The following CCDC40 variants were observed in gnomAD, a reference collection of about 807,000 sequenced individuals.
The protein encoded by CCDC40 is coiled-coil domain-containing protein 40.
A neutral mutation model predicts 124.5 loss-of-function variants in CCDC40; 104 were observed. The ratio of observed to expected loss-of-function variants is 0.84; its 90% CI spans 0.71 to 0.98. The LOEUF (loss-of-function observed/expected upper bound fraction) is 0.98. CCDC40 is among the 50% of genes least tolerant of loss of function. CCDC40 has a pLI of 0.00. For synonymous variants in CCDC40, 580 were observed against 602.9 expected (o/e 0.96, Z 0.56); for missense variants, 1,463 against 1,503.9 (o/e 0.97, Z 0.45).
intron 1 of CCDC40, 134 bp downstream of exon 1, chr17:80,036,825 T>G: frequency 1.2e-6 from 1 of 823,088 alleles, no homozygotes; most frequent in Non-Finnish European, 1.7e-6. Context: ...CCTGTGTCCC[T>G]TCTCTCGCCA....
At chr17:80,060,348 G>C (rs1345078088) in intron 9 of CCDC40, among the ~76,000 whole-genome samples, 1 of 151,868 alleles carries the variant, frequency 6.6e-6, no homozygotes, top group Non-Finnish European at 1.5e-5. Flanking sequence ...TTCAAGACCA[G>C]ACTGGGCAAC....
chr17:80,067,601 C>T, intron 10 of CCDC40: 1 of 1,536,210 alleles, frequency 6.5e-7, no homozygotes, highest in Non-Finnish European at 8.7e-7. Context: ...TACGGGGAAG[C>T]TTCCTGCCCG....
At position 80,086,193 on chromosome 17, in the gene CCDC40, A is replaced by T; in HGVS notation, c.2426A>T (p.Glu809Val). The change falls in exon 14 of 20, where the codon GAG (glutamate) becomes GTG (valine). Residue 809 changes from glutamate to valine, a missense_variant. Transcript: ENST00000397545. The surrounding 1 kb of genome is among the most constrained non-coding windows in gnomAD (Gnocchi z 5.5). ...TCCAAGAAGGAGCTCCACATCATGG[A>T]GCAGAAGAAACTACGAGTAGAAAGT... ...DASKKELHIM[E>V]QKKLRVESKI... The T allele has an allele frequency of 6.2e-7, 1 of 1,611,574 alleles. No homozygotes were observed. Among genetic ancestry groups the T allele is most frequent in the Non-Finnish European group, 8.5e-7 (1 of 1,178,958 alleles).
chr17:80,073,236 C>G (rs980455912), intron 10 of CCDC40, among the ~76,000 whole-genome samples: 2 of 152,072 alleles, frequency 1.3e-5, no homozygotes, highest in African/African-American at 4.8e-5. Flanking sequence ...ATCTCCTGAC[C>G]TCATGATCCA....
rs559941748 is a variant in CCDC40, at chr17:80,096,226, C to T, written c.3021+775C>T. Among the ~76,000 whole-genome samples, 29 of 152,278 alleles carry T rather than the reference C, an allele frequency of 1.9e-4. No individual in the cohort carries two copies. The East Asian group carries it at 4.1e-3, about 21-fold the overall frequency. On this transcript the variant is annotated intron_variant, in intron 18 of 19. Coordinates refer to ENST00000397545, the MANE Select transcript of CCDC40 (RefSeq NM_017950.4). ...CAGCTGACAGCATGGCTTGGAGCCA[C>T]GCTGGACCATTCCTGACTGGGGCAT...
In CCDC40 at chr17:80,087,619, A is replaced by T. The variant is rs1199832108; in HGVS notation, c.2462A>T (p.Gln821Leu). 2 of 1,614,142 alleles carry T rather than the reference A, an allele frequency of 1.2e-6. No individual in the cohort carries two copies. Residue 821 changes from glutamine to leucine, a missense_variant, in exon 15 of 20, where the codon CAG becomes CTG. Transcript: ENST00000397545. This position sits in a 1 kb window ranked among gnomAD's most constrained non-coding sequence, Gnocchi z 4.5. ...TTTTCTGCCATAGGCAAGATTGAGCAGGAGAAGAAGGAGCAGAAGGAGATC... is the reference window on the plus strand; with the variant it reads ...TTTTCTGCCATAGGCAAGATTGAGCTGGAGAAGAAGGAGCAGAAGGAGATC... Reference protein sequence around the residue: ...KKLRVESKIEQEKKEQKEIEH... With the variant: ...KKLRVESKIELEKKEQKEIEH...
At position 80,038,193 on chromosome 17, in the gene CCDC40, T is replaced by C. The variant is rs769989162; in HGVS notation, c.93+7T>C. The C allele has an allele frequency of 2.5e-5, 40 of 1,576,688 alleles. No homozygotes were observed. The highest frequency in any genetic ancestry group is 3.4e-5 in the Non-Finnish European group (39 of 1,147,076). ...GAATAATGAAAGCCACATGGTAAAATTCCCTATGGGCAGTTATTCCGGGCT... is the reference window on the plus strand; with the variant it reads ...GAATAATGAAAGCCACATGGTAAAACTCCCTATGGGCAGTTATTCCGGGCT... On this transcript the variant is annotated splice_region_variant and intron_variant, in intron 2 of 19. Transcript: ENST00000397545.
In CCDC40 at chr17:80,081,615, G is replaced by A. The variant is rs759757268; in HGVS notation, c.1632G>A (p.Glu544=). ...IEAYKKSIMK[E]EEKNEKLASI... is the part of the protein sequence containing the mutation. ...CCTATAAGAAATCCATCATGAAGGA[G>A]GAAGAAAAGAACGAGAAGCTGGCGA... Residue 544 remains glutamate, a synonymous_variant, in exon 11 of 20, where the codon GAG becomes GAA. Coordinates refer to ENST00000397545, the MANE Select transcript of CCDC40 (RefSeq NM_017950.4). 1 of 1,614,122 alleles carries A rather than the reference G, an allele frequency of 6.2e-7. No individual in the cohort carries two copies. The highest frequency in any genetic ancestry group is 1.1e-5 in the South Asian group (1 of 91,088).
Position 80,066,233 on chromosome 17 carries a change from C to T in CCDC40, c.1562+627C>T. The stretch of plus-strand genomic sequence containing the variant: ...CCTCCACCTTTCGTAGTCTCCACCC[C>T]TTGTGCCCAGCACAGAGCCTGGCAT... On this transcript the variant is annotated intron_variant, in intron 10 of 19. Coordinates refer to ENST00000397545, the MANE Select transcript of CCDC40 (RefSeq NM_017950.4). The surrounding 1 kb of genome is among the most constrained non-coding windows in gnomAD (Gnocchi z 4.4). 2.8e-6 allele frequency: 2 copies of T among 702,174 alleles called. No individual in the cohort carries two copies. Among genetic ancestry groups the T allele is most frequent in the Non-Finnish European group, 5.2e-6 (2 of 384,552 alleles). 43.5% of individuals were successfully genotyped at this position (702,174 alleles called of 1,614,324 possible).
At chr17:80,068,907 C>A (rs1005675757) in intron 10 of CCDC40, among the ~76,000 whole-genome samples, 1 of 152,256 alleles carries the variant, frequency 6.6e-6, no homozygotes, top group Non-Finnish European at 1.5e-5. Flanking sequence ...ATGACACAGA[C>A]CCCTGCTCAG....
Position 80,058,045 on chromosome 17 carries a change from G to A in CCDC40, c.1160-449G>A, listed in dbSNP as rs992788140. Among the ~76,000 whole-genome samples, 6 of 152,140 alleles carry A rather than the reference G, an allele frequency of 3.9e-5. No homozygotes were observed. The highest frequency in any genetic ancestry group is 2.1e-4 in the South Asian group (1 of 4,830). ...TCTCTGGCCTGCACTGCTGTGCAGC[G>A]GTGTCAGTGCAGGGGCATCTGTGGA... On this transcript the variant is annotated intron_variant, in intron 7 of 19. Coordinates refer to ENST00000397545, the MANE Select transcript of CCDC40 (RefSeq NM_017950.4). The surrounding 1 kb of genome is among the most constrained non-coding windows in gnomAD (Gnocchi z 4.2).
chr17:80,046,702 GCATGCGGAAA>G (rs1186788819), intron 3 of CCDC40, among the ~76,000 whole-genome samples: 8 of 152,144 alleles, frequency 5.3e-5, no homozygotes, highest in Non-Finnish European at 1.2e-4. Context: ...CTTCATGAAA[GCATGCGGAAA>G]AGCCTCGGCT....
intron 17 of CCDC40, among the ~76,000 whole-genome samples, chr17:80,092,694 T>G (rs140271508): frequency 6.6e-6 from 1 of 152,234 alleles, no homozygotes; most frequent in Non-Finnish European, 1.5e-5. Flanking sequence ...CACTGCAGCC[T>G]TGACCTTGTG....
rs1366956268 is a variant in CCDC40, at chr17:80,066,245, A to G, written c.1562+639A>G. ...GTAGTCTCCACCCCTTGTGCCCAGC[A>G]CAGAGCCTGGCATACAGCAAGCGCT... On this transcript the variant is annotated intron_variant, in intron 10 of 19. Coordinates refer to ENST00000397545, the MANE Select transcript of CCDC40 (RefSeq NM_017950.4). This position sits in a 1 kb window ranked among gnomAD's most constrained non-coding sequence, Gnocchi z 4.4. 1.1e-5 allele frequency: 8 copies of G among 700,338 alleles called. No homozygotes were observed. The highest frequency in any genetic ancestry group is 2.0e-5 in the Admixed American group (1 of 49,770). The allele number at this position is 700,338 out of a possible 1,614,324, so 43.4% of individuals were successfully genotyped here.
Position 80,086,540 on chromosome 17 carries a change from G to A in CCDC40, c.2449+324G>A, listed in dbSNP as rs912247734. The stretch of plus-strand genomic sequence containing the variant: ...GGCACTCAGGTGGAAACACTGGCAC[G>A]GGAAAAGCCAGGGTCCTGCCAGGCA... On this transcript the variant is annotated intron_variant, in intron 14 of 19. Coordinates refer to ENST00000397545, the MANE Select transcript of CCDC40 (RefSeq NM_017950.4). This position sits in a 1 kb window ranked among gnomAD's most constrained non-coding sequence, Gnocchi z 5.5. 6.2e-5 allele frequency: 22 copies of A among 352,594 alleles called. No individual in the cohort carries two copies. In the Middle Eastern group the frequency reaches 3.8e-3, roughly 61 times the overall value. The allele number at this position is 352,594 out of a possible 1,614,324, so 21.8% of individuals were successfully genotyped here.
intron 9 of CCDC40, 41 bp downstream of exon 9, chr17:80,059,021 G>A (rs751519237): frequency 4.3e-6 from 7 of 1,613,724 alleles, no homozygotes; most frequent in Admixed American, 3.3e-5. Flanking sequence ...CGACCCTCCA[G>A]TGAGTGTCCA....
rs1215343592 is a variant in CCDC40 at position 80,038,180 on chromosome 17, C to T, written c.87C>T (p.Ser29=). 2 of 1,600,576 alleles carry T rather than the reference C, an allele frequency of 1.2e-6. No homozygotes were observed. Among genetic ancestry groups the T allele is most frequent in the Non-Finnish European group, 1.7e-6 (2 of 1,168,432 alleles). Residue 29 remains serine, a synonymous_variant, in exon 2 of 20, where the codon AGC becomes AGT. Coordinates refer to ENST00000397545, the MANE Select transcript of CCDC40 (RefSeq NM_017950.4). ...SEGEKEGNNE[S]HMVSPPEKDD... ...GAGAGAAGGAAGGGAATAATGAAAG[C>T]CACATGGTAAAATTCCCTATGGGCA... is the stretch of plus-strand genomic sequence containing the variant.
chr17:80,081,110 C>T (rs2038436163), intron 10 of CCDC40, among the ~76,000 whole-genome samples: 1 of 152,104 alleles, frequency 6.6e-6, no homozygotes, highest in Non-Finnish European at 1.5e-5. Context: ...CTGCTGGGTG[C>T]AGCGGCTCAC....
At chr17:80,081,511 A>G in intron 10 of CCDC40, 35 bp from the exon 11 acceptor site, 1 of 1,612,876 alleles carries the variant, frequency 6.2e-7, no homozygotes, top group African/African-American at 1.3e-5. Context: ...CTGATGTCTC[A>G]CACGTAACTG....
Sources: allele counts gnomAD v4.1 joint callset (sites outside exome capture counted in the v4.1 genomes callset), GRCh38; gene constraint gnomAD v4.1.1; non-coding constraint Gnocchi (gnomAD v3.1); transcripts MANE v1.5; gene names NCBI Gene and HGNC (gene_info 2026-07-23, HGNC 2026-07-21).